Variants in GABRA4 observed in about 807,000 individuals in gnomAD.
GABRA4 encodes gamma-aminobutyric acid type A receptor subunit alpha4.
In GABRA4, 12 loss-of-function variants were observed where a neutral mutation model predicts 49.7. That is an observed-to-expected ratio of 0.24 (90% CI 0.15 to 0.39). The LOEUF (loss-of-function observed/expected upper bound fraction) is 0.39. Ranked by LOEUF, GABRA4 falls within the 10% of genes least tolerant of loss-of-function variation. GABRA4 has a pLI of 1.00. For synonymous variants in GABRA4, 288 were observed against 240.2 expected (o/e 1.20, Z -1.84); for missense variants, 506 against 686.0 (o/e 0.74, Z 2.93).
intron 7 of GABRA4, among the ~76,000 whole-genome samples, chr4:46,966,901 C>T (rs1458262929): frequency 6.6e-6 from 1 of 151,658 alleles, no homozygotes; most frequent in African/African-American, 2.4e-5. Flanking sequence ...ATATAAATAT[C>T]TGCATATCTA....
chr4:46,972,153 T>C lies in GABRA4; in HGVS notation c.722-918A>G, dbSNP rs183795756. On this transcript the variant is annotated intron_variant, in intron 6 of 8. Coordinates refer to ENST00000264318, the MANE Select transcript of GABRA4 (RefSeq NM_000809.4). ...TTTCCTGGACAGATGAGAGGCAAGG[T>C]GCCCTTTAGAAAGCTACTGTATTGT... Among the ~76,000 whole-genome samples the C allele has an allele frequency of 2.4e-4, 36 of 151,652 alleles. No homozygotes were observed. The East Asian group carries it at 6.2e-3, about 26-fold the overall frequency.
In GABRA4 at chr4:46,924,064, A is replaced by AT. The variant is rs1721126523; in HGVS notation, c.*4160dup. On this transcript the variant is annotated 3_prime_UTR_variant, in exon 9 of 9. Transcript: ENST00000264318. Reference sequence around the variant, plus strand: ...ATCATTCTATAAAATTTAGCTTAAGATTATATCTGTGAAACCTTCTCTGCT... The same window carrying AT: ...ATCATTCTATAAAATTTAGCTTAAGATTTATATCTGTGAAACCTTCTCTGCT... 1 of 152,064 alleles carries AT rather than the reference A, an allele frequency of 6.6e-6. No individual in the cohort carries two copies. The highest frequency in any genetic ancestry group is 2.4e-5 in the African/African-American group (1 of 41,404). The allele number at this position is 152,064 out of a possible 1,614,324, so 9.4% of individuals were successfully genotyped here.
Position 46,993,001 on chromosome 4 carries a change from C to T in GABRA4, c.87-55G>A, listed in dbSNP as rs1577804052. 6 of 1,336,100 alleles carry T rather than the reference C, an allele frequency of 4.5e-6. No individual in the cohort carries two copies. The East Asian group carries it at 1.4e-4, about 31-fold the overall frequency. The allele number at this position is 1,336,100 out of a possible 1,614,324, so 82.8% of individuals were successfully genotyped here. ...GGAGGAGATTATTTTAAGAATCCAT[C>T]AGAGAACAGGTGCAAACAGGTTTGT... On this transcript the variant is annotated intron_variant, in intron 1 of 8. Coordinates refer to ENST00000264318, the MANE Select transcript of GABRA4 (RefSeq NM_000809.4).
chr4:46,953,515 T>A (rs1722242760), intron 8 of GABRA4, among the ~76,000 whole-genome samples: 1 of 152,178 alleles, frequency 6.6e-6, no homozygotes, highest in African/African-American at 2.4e-5. Flanking sequence ...TGGTAATATA[T>A]TCTAAAGTTT....
At chr4:46,993,291 A>C (rs779635395) in intron 1 of GABRA4, 48 bp downstream of exon 1, 1 of 1,527,792 alleles carries the variant, frequency 6.5e-7, no homozygotes, top group Non-Finnish European at 9.1e-7. Context: ...GGAGCTAGCC[A>C]TTTCTCCACT....
rs1489959307 is a variant in GABRA4, at chr4:46,921,958, T to C, written c.*6267A>G. On this transcript the variant is annotated 3_prime_UTR_variant, in exon 9 of 9. Transcript: ENST00000264318. The stretch of plus-strand genomic sequence containing the variant: ...CAATAAGTATCATTATCCTGCGATG[T>C]TTCAAACAAAGATGGTTTGTTTGAA... The C allele has an allele frequency of 6.6e-6, 1 of 152,116 alleles. No individual in the cohort carries two copies. Among genetic ancestry groups the C allele is most frequent in the African/African-American group, 2.4e-5 (1 of 41,430 alleles). The allele number at this position is 152,116 out of a possible 1,614,324, so 9.4% of individuals were successfully genotyped here.
At chr4:46,966,833 G>T (rs1460500456) in intron 7 of GABRA4, among the ~76,000 whole-genome samples, 1 of 151,706 alleles carries the variant, frequency 6.6e-6, no homozygotes, top group African/African-American at 2.4e-5. Context: ...AAAATATTTT[G>T]TGACATTGTT....
chr4:46,978,687 C>CAAAAAAAAA (rs71193889), intron 3 of GABRA4, among the ~76,000 whole-genome samples: 22 of 21,650 alleles, frequency 1.0e-3, no homozygotes, highest in East Asian at 2.1e-3. Context: ...AACTTCATCT[C>CAAAAAAAAA]AAAAAAAAAA....
intron 7 of GABRA4, among the ~76,000 whole-genome samples, chr4:46,969,990 C>T: frequency 6.6e-6 from 1 of 151,324 alleles, no homozygotes; most frequent in East Asian, 1.9e-4. Context: ...CAGTATACTT[C>T]CAGTACTTTT....
chr4:46,970,456 A>G (rs1213047090), intron 7 of GABRA4, among the ~76,000 whole-genome samples: 2 of 151,550 alleles, frequency 1.3e-5, no homozygotes, highest in Non-Finnish European at 3.0e-5. Context: ...AGAACACATT[A>G]ACTTATAAAA....
intron 8 of GABRA4, among the ~76,000 whole-genome samples, chr4:46,933,784 C>T (rs904316190): frequency 7.9e-5 from 12 of 151,996 alleles, no homozygotes; most frequent in African/African-American, 1.9e-4. Context: ...ACAGTGGTTT[C>T]GAACAAGAAA....
At chr4:46,979,526 T>A (rs561837831) in intron 2 of GABRA4, among the ~76,000 whole-genome samples, 1 of 152,058 alleles carries the variant, frequency 6.6e-6, no homozygotes, top group Non-Finnish European at 1.5e-5. Flanking sequence ...AAGGAATGTA[T>A]CCTTGGAGAG....
chr4:46,933,877 A>G (rs1721523750), intron 8 of GABRA4, among the ~76,000 whole-genome samples: 1 of 152,234 alleles, frequency 6.6e-6, no homozygotes, highest in Admixed American at 6.5e-5. Flanking sequence ...CTGAAGCAAG[A>G]AAAGAGATGC....
At chr4:46,966,420 A>G (rs1722754212) in intron 7 of GABRA4, among the ~76,000 whole-genome samples, 1 of 151,790 alleles carries the variant, frequency 6.6e-6, no homozygotes, top group Admixed American at 6.6e-5. Context: ...GCAATATTAA[A>G]GGAATAAGGT....
In GABRA4 at chr4:46,992,794, C is replaced by A. The variant is rs1335639258; in HGVS notation, c.205+34G>T. On this transcript the variant is annotated intron_variant, in intron 2 of 8. Coordinates refer to ENST00000264318, the MANE Select transcript of GABRA4 (RefSeq NM_000809.4). Reference sequence around the variant, plus strand: ...ACAGGAAGACCAAGAGAGGGACAGACAGGACACACTTGCGCGTTTGAAATC... The same window carrying A: ...ACAGGAAGACCAAGAGAGGGACAGAAAGGACACACTTGCGCGTTTGAAATC... 4.8e-6 allele frequency: 7 copies of A among 1,444,934 alleles called. No homozygotes were observed. The Middle Eastern group carries it at 5.2e-4, about 108-fold the overall frequency. The allele number at this position is 1,444,934 out of a possible 1,614,324, so 89.5% of individuals were successfully genotyped here.
rs996119998 is a variant in GABRA4, at chr4:46,959,889, G to A, written c.1134+5081C>T. ...GAGTGTGTCTCCAAAACTGGAATAC[G>A]TGGACCTACAGCAATCCTGGCATTG... On this transcript the variant is annotated intron_variant, in intron 8 of 8. Transcript: ENST00000264318. Among the ~76,000 whole-genome samples, 14 of 149,830 alleles carry A rather than the reference G, an allele frequency of 9.3e-5. No individual in the cohort carries two copies. In the South Asian group the frequency reaches 2.3e-3, roughly 25 times the overall value.
chr4:46,943,594 C>A (rs1254830967), intron 8 of GABRA4, among the ~76,000 whole-genome samples: 1 of 151,996 alleles, frequency 6.6e-6, no homozygotes, highest in Non-Finnish European at 1.5e-5. Context: ...TTGGGCCCTG[C>A]CTCCCAGTCC....
chr4:46,991,994 C>A lies in GABRA4; in HGVS notation c.205+834G>T, dbSNP rs1486719392. On this transcript the variant is annotated intron_variant, in intron 2 of 8. Coordinates refer to ENST00000264318, the MANE Select transcript of GABRA4 (RefSeq NM_000809.4). ...TGAGATCAAAGGACCTGGGCCAAAC[C>A]TATGAATGGGACCCTAGCAAGTCAT... Among the ~76,000 whole-genome samples the A allele has an allele frequency of 2.0e-5, 3 of 152,192 alleles. No individual in the cohort carries two copies. In the East Asian group the frequency reaches 5.8e-4, roughly 29 times the overall value.
intron 6 of GABRA4, among the ~76,000 whole-genome samples, chr4:46,972,594 A>G (rs1722987740): frequency 6.6e-6 from 1 of 151,522 alleles, no homozygotes; most frequent in Non-Finnish European, 1.5e-5. Context: ...CTTATTTATT[A>G]TCTTCTGTGA....
Sources: allele counts gnomAD v4.1 joint callset (sites outside exome capture counted in the v4.1 genomes callset), GRCh38; gene constraint gnomAD v4.1.1; transcripts MANE v1.5; gene names NCBI Gene and HGNC (gene_info 2026-07-23, HGNC 2026-07-21).